TBC1D1: variants seen among roughly 807,000 people sequenced by gnomAD.
The protein encoded by TBC1D1 is TBC1 domain family member 1.
Under a neutral mutation model 125.6 loss-of-function variants are expected in TBC1D1, and 89 were observed. The ratio of observed to expected loss-of-function variants is 0.71; its 90% CI spans 0.60 to 0.85. The LOEUF (loss-of-function observed/expected upper bound fraction) is 0.85, where lower values mean the gene tolerates loss of function less well. Among genes scored for constraint, TBC1D1 ranks in the 40% least tolerant of loss-of-function variants. The probability of loss-of-function intolerance (pLI) is 0.00; values close to 1 mark genes in which losing one functional copy is unlikely to be tolerated. For synonymous variants in TBC1D1, 565 were observed against 564.1 expected (o/e 1.00, Z -0.02); for missense variants, 1,377 against 1,469.2 (o/e 0.94, Z 1.03).
intron 6 of TBC1D1, among the ~76,000 whole-genome samples, chr4:38,025,187 C>T (rs912779116): frequency 2.6e-5 from 4 of 152,244 alleles, no homozygotes; most frequent in Non-Finnish European, 2.9e-5. Context: ...GTTTCTGCAC[C>T]GCCAGGGAGG....
At chr4:37,990,230 G>A (rs946243284) in intron 2 of TBC1D1, among the ~76,000 whole-genome samples, 2 of 152,110 alleles carry the variant, frequency 1.3e-5, no homozygotes, top group African/African-American at 4.8e-5. Flanking sequence ...TAGAGCAAGT[G>A]TCCAGTCCAC....
intron 12 of TBC1D1, among the ~76,000 whole-genome samples, chr4:38,076,901 T>C (rs1325732541): frequency 6.6e-6 from 1 of 152,132 alleles, no homozygotes; most frequent in East Asian, 1.9e-4. Flanking sequence ...GCCACTGTTG[T>C]ATTATTTTAC....
chr4:38,056,812 G>C (rs59608961), intron 12 of TBC1D1, among the ~76,000 whole-genome samples: 41 of 151,914 alleles, frequency 2.7e-4, no homozygotes, highest in African/African-American at 9.4e-4. Context: ...TGTCTCGCGG[G>C]GTGGGGGAGT....
At chr4:37,997,987 T>A (rs1041802198) in intron 2 of TBC1D1, among the ~76,000 whole-genome samples, 5 of 152,144 alleles carry the variant, frequency 3.3e-5, no homozygotes, top group Non-Finnish European at 5.9e-5. Context: ...ATTTCTGGAT[T>A]TTTTTTGGTC....
At position 37,977,891 on chromosome 4, in the gene TBC1D1, C is replaced by T. The variant is rs6850410; in HGVS notation, c.418-36618C>T. Among the ~76,000 whole-genome samples the T allele has an allele frequency of 0.54, 82,158 of 151,798 alleles. 22,818 individuals carry two copies. Among genetic ancestry groups the T allele is most frequent in the East Asian group, 0.91 (4,624 of 5,076 alleles). On this transcript the variant is annotated intron_variant, in intron 2 of 19. Coordinates refer to ENST00000261439, the MANE Select transcript of TBC1D1 (RefSeq NM_015173.4). This position sits in a 1 kb window ranked among gnomAD's most constrained non-coding sequence, Gnocchi z 4.3. ...GCGCGGGACCTCGCGGAAGTCGACC[C>T]CGCGTGTCTCCCTCGCGGGTGTCGC... is the stretch of plus-strand genomic sequence containing the variant.
At position 38,128,329 on chromosome 4, in the gene TBC1D1, A is replaced by G. The variant is rs546537927; in HGVS notation, c.3132+3198A>G. 7.2e-5 allele frequency among the ~76,000 whole-genome samples: 11 copies of G among 152,094 alleles called. No homozygotes were observed. In the South Asian group the frequency reaches 2.3e-3, roughly 32 times the overall value. ...TCTCTGTCAGGCTTTCTGCTTTCCT[A>G]CTGCCCCCTCCCATCCAGAGGGTGC... is the stretch of plus-strand genomic sequence containing the variant. On this transcript the variant is annotated intron_variant, in intron 18 of 19. Transcript: ENST00000261439.
In TBC1D1 at chr4:38,115,700, C is replaced by A; in HGVS notation, c.2558-10C>A. ...TTTATTATTACAACTAATATGTATT[C>A]TTTTCACAGGGCGAACCTTTCCTAC... On this transcript the variant is annotated splice_polypyrimidine_tract_variant and intron_variant, in intron 15 of 19. Transcript: ENST00000261439. 6.2e-7 allele frequency: 1 copy of A among 1,608,074 alleles called. No individual in the cohort carries two copies. Among genetic ancestry groups the A allele is most frequent in the Non-Finnish European group, 8.5e-7 (1 of 1,176,966 alleles).
At position 38,052,194 on chromosome 4, in the gene TBC1D1, T is replaced by TGTGTGTGTGTGTGTGTGTGC. The variant is rs755025486; in HGVS notation, c.1911-2004_1911-2003insTGTGTGTGTGTGTGTGTGCG. 224 of 581,474 alleles carry TGTGTGTGTGTGTGTGTGTGC rather than the reference T, an allele frequency of 3.9e-4. 2 individuals are homozygous for TGTGTGTGTGTGTGTGTGTGC. The highest frequency in any genetic ancestry group is 2.8e-3 in the African/African-American group (144 of 51,126). The allele number at this position is 581,474 out of a possible 1,614,324, so 36.0% of individuals were successfully genotyped here. On this transcript the variant is annotated intron_variant, in intron 11 of 19. Coordinates refer to ENST00000261439, the MANE Select transcript of TBC1D1 (RefSeq NM_015173.4). ...GTGTGTGTGTGTGTGTGTGTGTGTGTGCGCGCGCGTGTGTGTCTTTGTTTA... is the reference window on the plus strand; with the variant it reads ...GTGTGTGTGTGTGTGTGTGTGTGTGTGTGTGTGTGTGTGTGTGTGCGCGCGCGCGTGTGTGTCTTTGTTTA...
Position 38,052,069 on chromosome 4 carries a change from A to G in TBC1D1, c.1911-2130A>G. On this transcript the variant is annotated intron_variant, in intron 11 of 19. Transcript: ENST00000261439. ...AATGCTGTGCCAAAGAGGTGAGCAC[A>G]CTCACGTGGCAAGTTTGGTGTTGTC... 6.4e-7 allele frequency: 1 copy of G among 1,550,700 alleles called. No individual in the cohort carries two copies. Among genetic ancestry groups the G allele is most frequent in the Non-Finnish European group, 8.7e-7 (1 of 1,146,914 alleles).
At chr4:38,019,077 A>G (rs112875003) in intron 4 of TBC1D1, among the ~76,000 whole-genome samples, 18 of 152,212 alleles carry the variant, frequency 1.2e-4, no homozygotes, top group African/African-American at 4.3e-4. Flanking sequence ...TGTTTCATAG[A>G]GGGATTTTGG....
intron 15 of TBC1D1, among the ~76,000 whole-genome samples, chr4:38,104,881 A>G (rs1251629530): frequency 4.0e-5 from 6 of 151,664 alleles, no homozygotes; most frequent in Non-Finnish European, 5.9e-5. Context: ...TCAGTCTCCC[A>G]AGTAGCTGGG....
intron 1 of TBC1D1, among the ~76,000 whole-genome samples, chr4:37,901,274 A>G (rs1436285270): frequency 1.3e-5 from 2 of 151,858 alleles, no homozygotes; most frequent in Non-Finnish European, 2.9e-5. Flanking sequence ...CTCCTGCCTC[A>G]GCCTCCTGAG....
At chr4:38,134,861 C>G (rs574700064) in intron 19 of TBC1D1, among the ~76,000 whole-genome samples, 6 of 152,256 alleles carry the variant, frequency 3.9e-5, no homozygotes, top group South Asian at 2.1e-4. Context: ...TTCTCTTGAC[C>G]AAGTAGTCCT....
rs1296070330 is a variant in TBC1D1, at chr4:38,103,271, T to C, written c.2557+114T>C. The stretch of plus-strand genomic sequence containing the variant: ...GCCTTTAGGTTTAGCAATCAAAATT[T>C]ACTACTGAGACTTTTAATTTAAAAA... On this transcript the variant is annotated intron_variant, in intron 15 of 19. Transcript: ENST00000261439. The C allele has an allele frequency of 5.6e-5, 60 of 1,066,674 alleles. 1 individual carries two copies. Among genetic ancestry groups the C allele is most frequent in the Non-Finnish European group, 7.6e-5 (57 of 745,574 alleles). The allele number at this position is 1,066,674 out of a possible 1,614,324, so 66.1% of individuals were successfully genotyped here. A position where few individuals can be genotyped will look rare whatever the true frequency, so the allele number is the denominator to read the frequency against.
At chr4:38,115,994 T>C (rs200504328) in intron 16 of TBC1D1, 40 bp downstream of exon 18, 221 of 1,601,124 alleles carry the variant, frequency 1.4e-4, no homozygotes, top group Non-Finnish European at 2.8e-5. Flanking sequence ...AACAAAATGC[T>C]AAGAATGTTT....
At chr4:38,122,499 G>A (rs1469653582) in intron 17 of TBC1D1, among the ~76,000 whole-genome samples, 1 of 152,148 alleles carries the variant, frequency 6.6e-6, no homozygotes, top group East Asian at 1.9e-4. Flanking sequence ...TTTATTCAGA[G>A]TATTAATCCT....
At chr4:38,073,493 T>A (rs528788859) in intron 12 of TBC1D1, among the ~76,000 whole-genome samples, 1 of 152,274 alleles carries the variant, frequency 6.6e-6, no homozygotes, top group African/African-American at 2.4e-5. Flanking sequence ...TCATTTCATG[T>A]CCTGGTCGGC....
rs190887938 is a variant in TBC1D1 at position 37,952,467 on chromosome 4, C to T, written c.417+49955C>T. Reference sequence around the variant, plus strand: ...GCAGCCATAAAAAGAAACGAGATCACGTCCTTTCTAGGAACATGGATGGAG... The same window carrying T: ...GCAGCCATAAAAAGAAACGAGATCATGTCCTTTCTAGGAACATGGATGGAG... On this transcript the variant is annotated intron_variant, in intron 2 of 19. Coordinates refer to ENST00000261439, the MANE Select transcript of TBC1D1 (RefSeq NM_015173.4). 500 of 183,392 alleles carry T rather than the reference C, an allele frequency of 2.7e-3. 5 individuals carry two copies. The highest frequency in any genetic ancestry group is 0.011 in the African/African-American group (468 of 42,418). The allele number at this position is 183,392 out of a possible 1,614,324, so 11.4% of individuals were successfully genotyped here.
At chr4:38,007,357 G>A (rs1318337172) in intron 2 of TBC1D1, among the ~76,000 whole-genome samples, 2 of 151,950 alleles carry the variant, frequency 1.3e-5, no homozygotes, top group Admixed American at 6.6e-5. Context: ...GGTTCAAGCA[G>A]TTCTCCTGTC....
Sources: allele counts gnomAD v4.1 joint callset (sites outside exome capture counted in the v4.1 genomes callset), GRCh38; gene constraint gnomAD v4.1.1; non-coding constraint Gnocchi (gnomAD v3.1); transcripts MANE v1.5; gene names NCBI Gene and HGNC (gene_info 2026-07-23, HGNC 2026-07-21).